The following IQCM variants were observed in gnomAD, a reference collection of about 807,000 sequenced individuals.
IQCM encodes IQ motif containing M, also known as IQ domain-containing protein M.
Under a neutral mutation model 57.6 loss-of-function variants are expected in IQCM, and 45 were observed. The observed-to-expected ratio is 0.78, with a 90% CI of 0.62 to 1.00. The LOEUF (loss-of-function observed/expected upper bound fraction) is 1.00, where lower values mean the gene tolerates loss of function less well. Ranked by LOEUF, IQCM falls within the 50% of genes least tolerant of loss-of-function variation. The pLI, the probability that IQCM is intolerant of heterozygous loss-of-function variation, is 0.00. For synonymous variants in IQCM, 148 were observed against 158.9 expected (o/e 0.93, Z 0.51); for missense variants, 468 against 511.6 (o/e 0.91, Z 0.82).
intron 12 of IQCM, among the ~76,000 whole-genome samples, chr4:149,469,278 A>G (rs1166051166): frequency 6.6e-6 from 1 of 152,222 alleles, no homozygotes; most frequent in Non-Finnish European, 1.5e-5. Context: ...GAAGTCCTTA[A>G]ATAACCTGAT....
intron 2 of IQCM, among the ~76,000 whole-genome samples, chr4:149,778,778 G>T (rs974513893): frequency 2.0e-5 from 3 of 152,014 alleles, no homozygotes; most frequent in African/African-American, 7.2e-5. Context: ...AGTATAAATT[G>T]TCATAATTAA....
Position 149,795,433 on chromosome 4 carries a change from G to T in IQCM, c.-49+19878C>A, listed in dbSNP as rs535589040. On this transcript the variant is annotated intron_variant, in intron 2 of 13. Coordinates refer to ENST00000636793, the MANE Select transcript of IQCM (RefSeq NM_001363507.2). ...CAGAGGGGAATCACTGATCCCAGTG[G>T]TCAGAACTGAGTTCCCACGAGCCTC... 9.2e-5 allele frequency among the ~76,000 whole-genome samples: 14 copies of T among 152,284 alleles called. No homozygotes were observed. The East Asian group carries it at 2.7e-3, about 29-fold the overall frequency.
Position 149,627,218 on chromosome 4 carries a change from A to G in IQCM, c.566-5974T>C, listed in dbSNP as rs190688820. On this transcript the variant is annotated intron_variant, in intron 7 of 13. Transcript: ENST00000636793. The stretch of plus-strand genomic sequence containing the variant: ...TAAATAGCTGAAAATAATAAGAATG[A>G]AGGTGTGGAATAGGAAAGTCTCCAC... 1.8e-4 allele frequency among the ~76,000 whole-genome samples: 28 copies of G among 152,288 alleles called. No individual in the cohort carries two copies. The East Asian group carries it at 5.2e-3, about 28-fold the overall frequency.
At chr4:149,791,240 T>C (rs1265495133) in intron 2 of IQCM, among the ~76,000 whole-genome samples, 1 of 152,126 alleles carries the variant, frequency 6.6e-6, no homozygotes, top group Non-Finnish European at 1.5e-5. Context: ...TTTTATTGAT[T>C]TTTATCTTTT....
chr4:149,694,657 A>T (rs1209132625), intron 5 of IQCM, among the ~76,000 whole-genome samples: 2 of 152,194 alleles, frequency 1.3e-5, no homozygotes, highest in East Asian at 3.9e-4. Context: ...TATAATTTAA[A>T]GCTCAAGCAA....
At chr4:149,723,973 C>T (rs1765675091) in intron 5 of IQCM, among the ~76,000 whole-genome samples, 1 of 150,682 alleles carries the variant, frequency 6.6e-6, no homozygotes, top group African/African-American at 2.4e-5. Flanking sequence ...AATTTCATTG[C>T]TTGTTACTGG....
At chr4:149,357,574 C>G (rs908428628) in intron 13 of IQCM, among the ~76,000 whole-genome samples, 1 of 152,162 alleles carries the variant, frequency 6.6e-6, no homozygotes, top group African/African-American at 2.4e-5. Context: ...TTGAACCAGC[C>G]TTGCATCTCA....
At chr4:149,540,259 C>T (rs1747717348) in intron 12 of IQCM, among the ~76,000 whole-genome samples, 1 of 149,652 alleles carries the variant, frequency 6.7e-6, no homozygotes, top group South Asian at 2.2e-4. Flanking sequence ...AACTACGAGA[C>T]ACTAAATTGT....
intron 13 of IQCM, among the ~76,000 whole-genome samples, chr4:149,355,366 T>A (rs1728887182): frequency 6.6e-6 from 1 of 151,406 alleles, no homozygotes; most frequent in Non-Finnish European, 1.5e-5. Context: ...TAGCATTAGG[T>A]ATATCTCCTA....
At chr4:149,615,466 T>C (rs1485303991) in intron 8 of IQCM, among the ~76,000 whole-genome samples, 1 of 152,180 alleles carries the variant, frequency 6.6e-6, no homozygotes, top group Non-Finnish European at 1.5e-5. Context: ...TTAAAAAGTT[T>C]AGGGTCCCAT....
chr4:149,453,178 C>T (rs1737317582), intron 12 of IQCM, among the ~76,000 whole-genome samples: 1 of 151,664 alleles, frequency 6.6e-6, no homozygotes, highest in South Asian at 2.1e-4. Context: ...CTACCTCACA[C>T]CATACACAAA....
chr4:149,806,660 T>C (rs1774107691), intron 2 of IQCM, among the ~76,000 whole-genome samples: 1 of 151,976 alleles, frequency 6.6e-6, no homozygotes, highest in African/African-American at 2.4e-5. Context: ...TATTAAATAA[T>C]AGCTGGAAAT....
intron 12 of IQCM, among the ~76,000 whole-genome samples, chr4:149,525,214 T>C (rs1233001540): frequency 6.6e-6 from 1 of 151,886 alleles, no homozygotes; most frequent in Non-Finnish European, 1.5e-5. Context: ...ACTAGCTTCA[T>C]TTATGAAAGT....
chr4:149,525,433 T>G (rs1019662901), intron 12 of IQCM, among the ~76,000 whole-genome samples: 2 of 151,816 alleles, frequency 1.3e-5, no homozygotes, highest in Non-Finnish European at 3.0e-5. Context: ...ACCAAAAACT[T>G]TATAACAGAC....
chr4:149,611,808 T>A (rs922439575), intron 8 of IQCM, among the ~76,000 whole-genome samples: 2 of 152,040 alleles, frequency 1.3e-5, no homozygotes, highest in African/African-American at 4.8e-5. Context: ...TATGATTTAT[T>A]GTATATTTCA....
intron 7 of IQCM, among the ~76,000 whole-genome samples, chr4:149,634,893 A>G (rs913293193): frequency 2.0e-5 from 3 of 152,208 alleles, no homozygotes; most frequent in African/African-American, 7.2e-5. Flanking sequence ...ATCTAATCCA[A>G]GCTGAGAAGG....
At chr4:149,491,976 G>A (rs925618874) in intron 12 of IQCM, among the ~76,000 whole-genome samples, 1 of 151,402 alleles carries the variant, frequency 6.6e-6, no homozygotes, top group Non-Finnish European at 1.5e-5. Flanking sequence ...ATATCATTGT[G>A]GTTTTTATTT....
At chr4:149,716,186 C>G (rs796832382) in intron 5 of IQCM, among the ~76,000 whole-genome samples, 4 of 152,326 alleles carry the variant, frequency 2.6e-5, no homozygotes, top group African/African-American at 9.6e-5. Context: ...CAAGGGGTAC[C>G]TCCAGTCCCA....
intron 13 of IQCM, among the ~76,000 whole-genome samples, chr4:149,418,077 T>C (rs1236508501): frequency 6.7e-6 from 1 of 149,276 alleles, no homozygotes; most frequent in East Asian, 2.0e-4. Context: ...ACCCCAAAGC[T>C]AGCAGAAGAT....
Sources: allele counts gnomAD v4.1 joint callset (sites outside exome capture counted in the v4.1 genomes callset), GRCh38; gene constraint gnomAD v4.1.1; transcripts MANE v1.5; gene names NCBI Gene and HGNC (gene_info 2026-07-23, HGNC 2026-07-21).